SPEF2: variants seen among roughly 807,000 people sequenced by gnomAD.
SPEF2 encodes sperm flagellar and cilia associated 2.
A neutral mutation model predicts 224.6 loss-of-function variants in SPEF2; 187 were observed. The ratio of observed to expected loss-of-function variants is 0.83; its 90% CI spans 0.74 to 0.94. The LOEUF (loss-of-function observed/expected upper bound fraction) is 0.94, where lower values mean the gene tolerates loss of function less well. SPEF2 is among the 40% of genes least tolerant of loss of function. The pLI is 0.00. For missense variants in SPEF2, 2,170 were observed against 2,135.6 expected (o/e 1.02, Z -0.32); for synonymous variants, 715 against 707.3 (o/e 1.01, Z -0.17).
rs200790718 is a variant in SPEF2, at chr5:35,814,464, G to C, written c.5380G>C (p.Asp1794His). The C allele has an allele frequency of 3.0e-5, 48 of 1,579,274 alleles. No individual in the cohort carries two copies. The highest frequency in any genetic ancestry group is 4.0e-5 in the Non-Finnish European group (46 of 1,154,472). ...CTTCTCTTTGAATCTTTTGTCTTAG[G>C]ATATTAAAATAATTCTCCAAAGGAG... The part of the protein sequence containing the change: ...ISNYSDYKFP[D>H]IKIILQRSEH... The change falls in exon 37 of 37, where the codon GAT (aspartate) becomes CAT (histidine). Residue 1794 changes from aspartate to histidine, a missense_variant and splice_region_variant. Coordinates refer to ENST00000356031, the MANE Select transcript of SPEF2 (RefSeq NM_024867.4).
intron 2 of SPEF2, among the ~76,000 whole-genome samples, chr5:35,634,909 G>T (rs1474998456): frequency 6.6e-6 from 1 of 151,234 alleles, no homozygotes; most frequent in African/African-American, 2.4e-5. Context: ...TGTCTTTCTT[G>T]TTCCGGGATC....
Position 35,793,284 on chromosome 5 carries a change from G to T in SPEF2, c.4680G>T (p.Lys1560Asn). 1 of 1,614,114 alleles carries T rather than the reference G, an allele frequency of 6.2e-7. No individual in the cohort carries two copies. Among genetic ancestry groups the T allele is most frequent in the South Asian group, 1.1e-5 (1 of 91,072 alleles). Residue 1560 changes from lysine (K) to asparagine (N), a missense_variant, in exon 32 of 37, where the codon AAG becomes AAT. Transcript: ENST00000356031. ...AGGAGCTCCTTGAGACCCTTCAGAA[G>T]TTCAAGGCTGTGGATAAGGAGCAGT... Reference protein sequence around the residue: ...LEEELLETLQKFKAVDKEQLG... With the variant: ...LEEELLETLQNFKAVDKEQLG...
intron 29 of SPEF2, among the ~76,000 whole-genome samples, chr5:35,778,790 C>T (rs1753945922): frequency 6.6e-6 from 1 of 152,002 alleles, no homozygotes; most frequent in African/African-American, 2.4e-5. Context: ...AAATATAACC[C>T]TTGATATAGT....
intron 30 of SPEF2, among the ~76,000 whole-genome samples, chr5:35,784,129 AT>A (rs201823821): frequency 0.052 from 7,410 of 141,812 alleles, 405 homozygotes; most frequent in African/African-American, 0.15. Context: ...AGACCGATAG[AT>A]TTTTTTTTTT....
At chr5:35,708,921 A>G in intron 18 of SPEF2, 27 bp from the exon 19 acceptor site, 1 of 1,580,810 alleles carries the variant, frequency 6.3e-7, no homozygotes, top group Non-Finnish European at 8.6e-7. Flanking sequence ...TCTCTAATGA[A>G]GGTCAATTCT....
intron 10 of SPEF2, chr5:35,670,715 C>G: frequency 1.0e-6 from 1 of 985,698 alleles, no homozygotes; most frequent in Non-Finnish European, 1.2e-6. Context: ...CGGGTGCCAA[C>G]TGTGATTTTT....
At chr5:35,665,109 C>A (rs1750290058) in intron 8 of SPEF2, among the ~76,000 whole-genome samples, 1 of 152,048 alleles carries the variant, frequency 6.6e-6, no homozygotes, top group Non-Finnish European at 1.5e-5. Context: ...TAATATAATT[C>A]TTTCAACGAC....
chr5:35,813,653 T>C (rs548633895), intron 36 of SPEF2, among the ~76,000 whole-genome samples: 2 of 152,288 alleles, frequency 1.3e-5, no homozygotes, highest in South Asian at 4.1e-4. Flanking sequence ...TGATTCACTA[T>C]GATTCCTCGC....
chr5:35,622,391 T>C (rs1743654791), intron 1 of SPEF2, among the ~76,000 whole-genome samples: 1 of 152,204 alleles, frequency 6.6e-6, no homozygotes, highest in South Asian at 2.1e-4. Flanking sequence ...TATTTATTTT[T>C]ATGCAATAGT....
chr5:35,735,018 C>G lies in SPEF2; in HGVS notation c.3064-4901C>G, dbSNP rs1382705600. ...AGACACCACGCCCGGCCATGAATTG[C>G]TTTTTTATTGGCTAATTAAGTTGCC... On this transcript the variant is annotated intron_variant, in intron 21 of 36. Coordinates refer to ENST00000356031, the MANE Select transcript of SPEF2 (RefSeq NM_024867.4). Among the ~76,000 whole-genome samples the G allele has an allele frequency of 2.0e-5, 3 of 152,026 alleles. No homozygotes were observed. The East Asian group carries it at 5.8e-4, about 29-fold the overall frequency.
In SPEF2 at chr5:35,691,169, C is replaced by T. The variant is rs2149531967; in HGVS notation, c.1657C>T (p.Pro553Ser). The T allele has an allele frequency of 6.2e-7, 1 of 1,614,000 alleles. No individual in the cohort carries two copies. Among genetic ancestry groups the T allele is most frequent in the Non-Finnish European group, 8.5e-7 (1 of 1,179,974 alleles). Reference sequence around the variant, plus strand: ...TCCTCCTCGAGCGGAATCAACAACACCTGAATTACCTTCATTTGCTGTTAA... The same window carrying T: ...TCCTCCTCGAGCGGAATCAACAACATCTGAATTACCTTCATTTGCTGTTAA... ...SLPPRAESTT[P>S]ELPSFAVKGC... Residue 553 changes from proline to serine, a missense_variant, in exon 11 of 37, where the codon CCT (proline) becomes TCT (serine). Transcript: ENST00000356031.
chr5:35,756,185 T>C lies in SPEF2; in HGVS notation c.3468+2424T>C, dbSNP rs1200186150. On this transcript the variant is annotated intron_variant, in intron 24 of 36. Transcript: ENST00000356031. ...GCTCAGAATGTGAATCATCCCTCTG[T>C]CCAGTGTATCCACCCTGTAGATGCT... Among the ~76,000 whole-genome samples, 3 of 152,180 alleles carry C rather than the reference T, an allele frequency of 2.0e-5. No homozygotes were observed. The South Asian group carries it at 6.2e-4, about 32-fold the overall frequency.
chr5:35,708,065 A>T (rs1014747116), intron 18 of SPEF2, among the ~76,000 whole-genome samples: 1 of 152,112 alleles, frequency 6.6e-6, no homozygotes, highest in Admixed American at 6.5e-5. Context: ...TTACTGTTGT[A>T]TCTCCAGCAA....
chr5:35,671,125 T>C (rs1751171341), intron 10 of SPEF2: 16 of 985,282 alleles, frequency 1.6e-5, no homozygotes, highest in Non-Finnish European at 1.9e-5. Flanking sequence ...GGTCAGTAAG[T>C]GCAACATGAA....
chr5:35,740,086 G>A, intron 22 of SPEF2, 40 bp downstream of exon 22: 1 of 1,614,046 alleles, frequency 6.2e-7, no homozygotes, highest in Non-Finnish European at 8.5e-7. Context: ...ACAGTTTAGA[G>A]GCATGACATA....
rs1561238993 is a variant in SPEF2 at position 35,709,660 on chromosome 5, GA to G, written c.2839+540del. On this transcript the variant is annotated intron_variant, in intron 19 of 36. Transcript: ENST00000356031. ...GTAAACATATATTTATGGACACAGA[GA>G]TAAAGAGCCTAGATAGAGAACACTT... 9.0e-6 allele frequency: 7 copies of G among 782,056 alleles called. No homozygotes were observed. In the African/African-American group the frequency reaches 1.4e-4, roughly 15 times the overall value. 48.4% of individuals were successfully genotyped at this position (782,056 alleles called of 1,614,324 possible).
intron 34 of SPEF2, among the ~76,000 whole-genome samples, chr5:35,803,790 TC>T (rs1200962237): frequency 2.0e-5 from 3 of 152,210 alleles, no homozygotes; most frequent in Non-Finnish European, 1.5e-5. Context: ...GCTTTTGCTT[TC>T]CCCACAAACA....
At position 35,779,163 on chromosome 5, in the gene SPEF2, A is replaced by G; in HGVS notation, c.4264A>G (p.Thr1422Ala). ...AGCTCGCTATCACATTGAAACATCT[A>G]CAAAAATTCAGAATGAACTTTATTT... ...DVARYHIETS[T>A]KIQNELYLSQ... is the part of the protein sequence containing the mutation. Residue 1422 changes from threonine (T) to alanine (A), a missense_variant, in exon 30 of 37, where the codon ACA (threonine) becomes GCA (alanine). Coordinates refer to ENST00000356031, the MANE Select transcript of SPEF2 (RefSeq NM_024867.4). 6.2e-7 allele frequency: 1 copy of G among 1,613,832 alleles called. No homozygotes were observed. Among genetic ancestry groups the G allele is most frequent in the Non-Finnish European group, 8.5e-7 (1 of 1,179,854 alleles).
intron 25 of SPEF2, among the ~76,000 whole-genome samples, chr5:35,761,755 G>C (rs994057464): frequency 6.6e-6 from 1 of 152,170 alleles, no homozygotes; most frequent in Admixed American, 6.5e-5. Flanking sequence ...TCAATGTCGA[G>C]AGTGGCAGTA....
Sources: gnomAD v4.1 joint callset for allele counts (sites outside exome capture counted in the v4.1 genomes callset) on GRCh38, gnomAD v4.1.1 for gene constraint, MANE v1.5 for transcripts, NCBI Gene and HGNC (gene_info 2026-07-23, HGNC 2026-07-21) for gene names.